Variants in SLC14A2 observed in about 807,000 individuals in gnomAD.
The protein encoded by SLC14A2 is solute carrier family 14 member 2.
In SLC14A2, 91 loss-of-function variants were observed where a neutral mutation model predicts 104.6. The observed-to-expected ratio is 0.87, with a 90% CI of 0.73 to 1.04. The LOEUF (loss-of-function observed/expected upper bound fraction) is 1.04. SLC14A2 is among the 50% of genes least tolerant of loss of function. The pLI, the probability that SLC14A2 is intolerant of heterozygous loss-of-function variation, is 0.00. For synonymous variants in SLC14A2, 476 were observed against 466.4 expected (o/e 1.02, Z -0.27); for missense variants, 1,189 against 1,156.0 (o/e 1.03, Z -0.41).
chr18:45,315,936 G>A (rs528849552), intron 1 of SLC14A2, among the ~76,000 whole-genome samples: 14 of 152,300 alleles, frequency 9.2e-5, no homozygotes, highest in Admixed American at 4.6e-4. Context: ...TATAAATACC[G>A]CTGGGAGGGG....
intron 1 of SLC14A2, among the ~76,000 whole-genome samples, chr18:45,375,569 G>C (rs1434189373): frequency 6.6e-6 from 1 of 152,180 alleles, no homozygotes; most frequent in Admixed American, 6.5e-5. Context: ...CGGGGAGACT[G>C]ATTTGAGTAA....
At chr18:45,509,686 T>C (rs1238115175) in intron 2 of SLC14A2, among the ~76,000 whole-genome samples, 1 of 152,202 alleles carries the variant, frequency 6.6e-6, no homozygotes, top group East Asian at 1.9e-4. Flanking sequence ...GTCGCCACTC[T>C]GCACCCTGTG....
chr18:45,593,008 A>G (rs1323122961), intron 2 of SLC14A2, among the ~76,000 whole-genome samples: 1 of 152,196 alleles, frequency 6.6e-6, no homozygotes, highest in Non-Finnish European at 1.5e-5. Context: ...GTTCTAGACC[A>G]GAGCTGTCCA....
the SLC14A2 span, among the ~76,000 whole-genome samples, chr18:45,186,868 G>T: frequency 6.6e-6 from 1 of 152,134 alleles, no homozygotes; most frequent in South Asian, 2.1e-4. Flanking sequence ...TCCATCCAGG[G>T]ATTGTACCAT....
intron 1 of SLC14A2, among the ~76,000 whole-genome samples, chr18:45,314,588 C>T (rs954952566): frequency 1.3e-5 from 2 of 152,206 alleles, no homozygotes; most frequent in East Asian, 1.9e-4. Context: ...GTCCTCTCCT[C>T]TCTCCACTGC....
intron 1 of SLC14A2, among the ~76,000 whole-genome samples, chr18:45,294,237 A>G (rs1427747987): frequency 6.6e-6 from 1 of 152,186 alleles, no homozygotes; most frequent in East Asian, 1.9e-4. Context: ...ATATAGAAAG[A>G]GTGATTAAGC....
intron 1 of SLC14A2, among the ~76,000 whole-genome samples, chr18:45,304,653 A>G (rs958950783): frequency 6.6e-6 from 1 of 152,226 alleles, no homozygotes; most frequent in African/African-American, 2.4e-5. Flanking sequence ...TAAGCAATGA[A>G]TAGAATATCT....
chr18:45,441,597 GTGTT>G (rs2086683190), intron 1 of SLC14A2, among the ~76,000 whole-genome samples: 1 of 152,212 alleles, frequency 6.6e-6, no homozygotes, highest in Admixed American at 6.5e-5. Flanking sequence ...ACTTTTCTCT[GTGTT>G]TGTGTGCATG....
intron 1 of SLC14A2, among the ~76,000 whole-genome samples, chr18:45,360,500 A>T (rs1161731648): frequency 6.6e-6 from 1 of 152,226 alleles, no homozygotes. Flanking sequence ...CAGATCCTCA[A>T]TGCCAGTTAT....
chr18:45,496,293 T>C (rs2043096839), intron 2 of SLC14A2, among the ~76,000 whole-genome samples: 1 of 152,164 alleles, frequency 6.6e-6, no homozygotes, highest in South Asian at 2.1e-4. Flanking sequence ...GGTTTCAACT[T>C]GATTGGACTG....
intron 1 of SLC14A2, among the ~76,000 whole-genome samples, chr18:45,448,513 A>C (rs2086807403): frequency 6.6e-6 from 1 of 152,198 alleles, no homozygotes. Context: ...TTGAGAAAGA[A>C]ATGACATGAG....
At chr18:45,404,914 G>C (rs1330836992) in intron 1 of SLC14A2, among the ~76,000 whole-genome samples, 1 of 152,208 alleles carries the variant, frequency 6.6e-6, no homozygotes, top group Non-Finnish European at 1.5e-5. Flanking sequence ...TGCAGTGTTT[G>C]AGGGTGAAGA....
At chr18:45,537,052 TCCCTCCCTCCCTC>T (rs2043802073) in intron 2 of SLC14A2, among the ~76,000 whole-genome samples, 31 of 36,444 alleles carry the variant, frequency 8.5e-4, no homozygotes, top group Non-Finnish European at 1.4e-3. Flanking sequence ...CCTCCCTCCC[TCCCTCCCTCCCTC>T]CCTTCCTTCC....
chr18:45,320,993 A>G (rs576349767), intron 1 of SLC14A2, among the ~76,000 whole-genome samples: 1 of 152,350 alleles, frequency 6.6e-6, no homozygotes, highest in South Asian at 2.1e-4. Context: ...TCTGGGCAAC[A>G]AGACATTGAA....
At chr18:45,403,868 A>G (rs2086123997) in intron 1 of SLC14A2, among the ~76,000 whole-genome samples, 1 of 152,148 alleles carries the variant, frequency 6.6e-6, no homozygotes, top group Non-Finnish European at 1.5e-5. Context: ...ATCACCCGTA[A>G]GATAAAGGAC....
chr18:45,257,116 AC>A (rs2084487362), intron 1 of SLC14A2, among the ~76,000 whole-genome samples: 1 of 152,198 alleles, frequency 6.6e-6, no homozygotes, highest in Non-Finnish European at 1.5e-5. Flanking sequence ...CTTCTGAAGG[AC>A]CCATGTGAAA....
chr18:45,536,627 T>G (rs2043789235), intron 2 of SLC14A2, among the ~76,000 whole-genome samples: 1 of 152,150 alleles, frequency 6.6e-6, no homozygotes, highest in South Asian at 2.1e-4. Flanking sequence ...GATAATGACG[T>G]CCACAACAAT....
At chr18:45,265,931 G>T (rs1253200142) in intron 1 of SLC14A2, among the ~76,000 whole-genome samples, 1 of 152,182 alleles carries the variant, frequency 6.6e-6, no homozygotes, top group East Asian at 1.9e-4. Context: ...TGCCATCATG[G>T]AGTGTACCTT....
chr18:45,597,961 G>A (rs539397141), intron 2 of SLC14A2, among the ~76,000 whole-genome samples: 1 of 152,306 alleles, frequency 6.6e-6, no homozygotes, highest in Admixed American at 6.5e-5. Flanking sequence ...CCCTTGTACT[G>A]AGACTGGGGA....
Sources: allele counts gnomAD v4.1 joint callset (sites outside exome capture counted in the v4.1 genomes callset), GRCh38; gene constraint gnomAD v4.1.1; transcripts MANE v1.5; gene names NCBI Gene and HGNC (gene_info 2026-07-23, HGNC 2026-07-21).